MYH2: variants seen among roughly 807,000 people sequenced by gnomAD.
MYH2 encodes the protein myosin heavy chain 2, also known as myosin-2.
In MYH2, 139 loss-of-function variants were observed where a neutral mutation model predicts 228.1. The observed-to-expected ratio is 0.61, with a 90% confidence interval of 0.53 to 0.70. MYH2 has a LOEUF of 0.70. Ranked by LOEUF, MYH2 falls within the 30% of genes least tolerant of loss-of-function variation. The pLI, the probability that MYH2 is intolerant of heterozygous loss-of-function variation, is 0.00. For missense variants in MYH2, 1,809 were observed against 2,357.5 expected (o/e 0.77, Z 4.82); for synonymous variants, 796 against 871.1 (o/e 0.91, Z 1.52).
At chr17:10,531,101 G>A (rs1444693272) in intron 22 of MYH2, among the ~76,000 whole-genome samples, 1 of 152,202 alleles carries the variant, frequency 6.6e-6, no homozygotes, top group Admixed American at 6.5e-5. Flanking sequence ...AGCAATGTGG[G>A]TGTGACATGA....
intron 30 of MYH2, among the ~76,000 whole-genome samples, 156 bp from the exon 31 acceptor site, chr17:10,526,032 A>G (rs1048032601): frequency 6.6e-6 from 1 of 152,252 alleles, no homozygotes; most frequent in Non-Finnish European, 1.5e-5. Context: ...TTTATGAACC[A>G]GACACTGGCT....
rs1457635036 is a variant in MYH2 at position 10,525,148 on chromosome 17, T to C, written c.4662+76A>G. On this transcript the variant is annotated intron_variant, in intron 33 of 39. Coordinates refer to ENST00000245503, the MANE Select transcript of MYH2 (RefSeq NM_017534.6). This position sits in a 1 kb window ranked among gnomAD's most constrained non-coding sequence, Gnocchi z 4.2. ...TGCACAGCAATAATTTTGTGCTATGTGTCTTTTTATTCACTCTATGCAGAT... is the reference window on the plus strand; with the variant it reads ...TGCACAGCAATAATTTTGTGCTATGCGTCTTTTTATTCACTCTATGCAGAT... 5 of 1,613,722 alleles carry C rather than the reference T, an allele frequency of 3.1e-6. No individual in the cohort carries two copies. Among genetic ancestry groups the C allele is most frequent in the Non-Finnish European group, 4.2e-6 (5 of 1,179,846 alleles).
rs774669526 is a variant in MYH2, at chr17:10,540,666, A to G, written c.936T>C (p.Asp312=). The change falls in exon 11 of 40, where the codon GAT becomes GAC. Residue 312 remains aspartate, a synonymous_variant. Transcript: ENST00000245503. The part of the protein sequence containing the change: ...EMLLITTNPY[D]YPFVSQGEIS... ...TCTCCCCTTGACTGACAAATGGGTA[A>G]TCATATGGGTTCGTGGTAATCAGAA... The G allele has an allele frequency of 1.2e-6, 2 of 1,613,296 alleles. No individual in the cohort carries two copies. The highest frequency in any genetic ancestry group is 1.7e-6 in the Non-Finnish European group (2 of 1,179,224).
chr17:10,548,099 C>T (rs189456492), intron 2 of MYH2, among the ~76,000 whole-genome samples, 159 bp from the exon 3 acceptor site: 1 of 152,222 alleles, frequency 6.6e-6, no homozygotes, highest in East Asian at 1.9e-4. Context: ...ATCACAAGAA[C>T]GAAAATGCAT....
rs892842568 is a variant in MYH2 at position 10,525,907 on chromosome 17, G to A, written c.4188-31C>T. 6.2e-7 allele frequency: 1 copy of A among 1,608,730 alleles called. No homozygotes were observed. Among genetic ancestry groups the A allele is most frequent in the African/African-American group, 1.3e-5 (1 of 74,818 alleles). On this transcript the variant is annotated intron_variant, in intron 30 of 39. Transcript: ENST00000245503. This position sits in a 1 kb window ranked among gnomAD's most constrained non-coding sequence, Gnocchi z 4.2. Reference sequence around the variant, plus strand: ...ATATTATACATGTTTTCAGAGAGAAGTGAACCATAATATGAATTATGAGCT... The same window carrying A: ...ATATTATACATGTTTTCAGAGAGAAATGAACCATAATATGAATTATGAGCT...
In MYH2 at chr17:10,527,074, T is replaced by C; in HGVS notation, c.3872-18A>G. Reference sequence around the variant, plus strand: ...AAACTCACCTGATGGACAAAAGAAATGGCACCATTTTTTAGGTGAAAAACA... The same window carrying C: ...AAACTCACCTGATGGACAAAAGAAACGGCACCATTTTTTAGGTGAAAAACA... On this transcript the variant is annotated intron_variant, in intron 28 of 39. Transcript: ENST00000245503. 1.9e-6 allele frequency: 3 copies of C among 1,605,764 alleles called. No homozygotes were observed. Among genetic ancestry groups the C allele is most frequent in the Non-Finnish European group, 2.6e-6 (3 of 1,172,448 alleles).
chr17:10,546,278 TATATATATATAC>T, intron 4 of MYH2, among the ~76,000 whole-genome samples: 1 of 121,562 alleles, frequency 8.2e-6, no homozygotes, highest in South Asian at 2.5e-4. Flanking sequence ...TATATATATA[TATATATATATAC>T]ATCATGATTA....
rs534965939 is a variant in MYH2 at position 10,529,049 on chromosome 17, C to G, written c.3385G>C (p.Glu1129Gln). Residue 1129 changes from glutamate to glutamine, a missense_variant, in exon 27 of 40, where the codon GAG (glutamate) becomes CAG (glutamine). By Grantham distance (29) the Glu-to-Gln change is conservative. Coordinates refer to ENST00000245503, the MANE Select transcript of MYH2 (RefSeq NM_017534.6). ...ARIEELEEEI[E>Q]AERASRAKAE... Reference sequence around the variant, plus strand: ...TTGGCCCGGGAGGCCCGCTCTGCCTCGATTTCCTCCTCCAGCTCCTCAATG... The same window carrying G: ...TTGGCCCGGGAGGCCCGCTCTGCCTGGATTTCCTCCTCCAGCTCCTCAATG... The G allele has an allele frequency of 1.2e-6, 2 of 1,614,228 alleles. No individual in the cohort carries two copies. The highest frequency in any genetic ancestry group is 1.7e-4 in the Middle Eastern group (1 of 6,060).
Position 10,547,846 on chromosome 17 carries a change from A to T in MYH2, c.75T>A (p.Ile25=). 1 of 1,614,184 alleles carries T rather than the reference A, an allele frequency of 6.2e-7. No individual in the cohort carries two copies. Residue 25 remains isoleucine (I), a synonymous_variant, in exon 3 of 40, where the codon ATT becomes ATA. Transcript: ENST00000245503. The part of the protein sequence containing the change: ...PFLRKSERER[I]EAQNRPFDAK... ...CATCAAAGGGCCTATTCTGGGCCTC[A>T]ATGCGCTCCCTTTCAGACTTTCGGA...
chr17:10,528,007 T>A, intron 27 of MYH2, 133 bp from the exon 28 acceptor site: 2 of 1,072,302 alleles, frequency 1.9e-6, no homozygotes, highest in Non-Finnish European at 2.6e-6. Flanking sequence ...AACCAAATTA[T>A]CTTATATGTA....
chr17:10,522,232 T>G (rs1236079056), intron 39 of MYH2, among the ~76,000 whole-genome samples: 1 of 152,216 alleles, frequency 6.6e-6, no homozygotes, highest in Non-Finnish European at 1.5e-5. Context: ...TGGGTCCATT[T>G]CCAGAAGTAA....
rs142383679 is a variant in MYH2, at chr17:10,537,686, G to A, written c.1566C>T (p.Ala522=). The change falls in exon 15 of 40, where the codon GCC becomes GCT. Residue 522 remains alanine, a synonymous_variant. Transcript: ENST00000245503. The surrounding 1 kb of genome is among the most constrained non-coding windows in gnomAD (Gnocchi z 4.0). ...CAACCTTCTCGATGAGCTCGATGCA[G>A]GCAGCCAGGTCCATCCCGAAGTCGA... ...TFIDFGMDLA[A]CIELIEKPMG... 27 of 1,614,066 alleles carry A rather than the reference G, an allele frequency of 1.7e-5. No homozygotes were observed. The African/African-American group carries it at 2.9e-4, about 18-fold the overall frequency.
intron 4 of MYH2, among the ~76,000 whole-genome samples, chr17:10,546,854 C>A (rs1022585514): frequency 6.6e-6 from 1 of 150,772 alleles, no homozygotes; most frequent in Non-Finnish European, 1.5e-5. Flanking sequence ...CCAAGGCAGG[C>A]GGATCATTTG....
intron 27 of MYH2, 53 bp downstream of exon 27, chr17:10,528,634 TATG>T: frequency 6.2e-7 from 1 of 1,613,184 alleles, no homozygotes; most frequent in South Asian, 1.1e-5. Flanking sequence ...CTGTGCAAAC[TATG>T]ATGTGTCCAT....
At chr17:10,542,189 G>A (rs570075496) in intron 10 of MYH2, among the ~76,000 whole-genome samples, 16 of 152,258 alleles carry the variant, frequency 1.1e-4, no homozygotes, top group South Asian at 2.1e-4. Flanking sequence ...AGGGAGAATC[G>A]CTTGAACCTG....
Position 10,525,582 on chromosome 17 carries a change from G to A in MYH2, c.4406C>T (p.Thr1469Met), listed in dbSNP as rs760961929. 2.2e-5 allele frequency: 35 copies of A among 1,614,010 alleles called. No individual in the cohort carries two copies. In the East Asian group the frequency reaches 2.9e-4, roughly 13 times the overall value. ...CTGGGAGGCCTCAAGCTCAGCATGC[G>A]TTTCCTCACATTTCTGTTTCCATTC... ...LAEWKQKCEE[T>M]HAELEASQKE... The change falls in exon 32 of 40, where the codon ACG (threonine) becomes ATG (methionine). Residue 1469 changes from threonine (T) to methionine (M), a missense_variant. Thr to Met is a moderately conservative substitution (Grantham distance 81). Transcript: ENST00000245503. The surrounding 1 kb of genome is among the most constrained non-coding windows in gnomAD (Gnocchi z 4.2).
chr17:10,537,113 T>C lies in MYH2; in HGVS notation c.1897+120A>G. 7.5e-7 allele frequency: 1 copy of C among 1,337,486 alleles called. No individual in the cohort carries two copies. Among genetic ancestry groups the C allele is most frequent in the Non-Finnish European group, 1.1e-6 (1 of 939,908 alleles). 82.9% of individuals were successfully genotyped at this position (1,337,486 alleles called of 1,614,324 possible). A position where few individuals can be genotyped will look rare whatever the true frequency, so the allele number is the denominator to read the frequency against. On this transcript the variant is annotated intron_variant, in intron 16 of 39. Transcript: ENST00000245503. The surrounding 1 kb of genome is among the most constrained non-coding windows in gnomAD (Gnocchi z 4.0). ...ATTACAAGGCTGCCTATCTATTCAA[T>C]ACTTGGAGGAACCAGGGGCTTGGTC...
intron 17 of MYH2, among the ~76,000 whole-genome samples, chr17:10,535,688 G>A (rs1312347195): frequency 6.6e-6 from 1 of 152,166 alleles, no homozygotes; most frequent in Non-Finnish European, 1.5e-5. Context: ...TCCCATGCGA[G>A]ATGATCGCTC....
Position 10,529,152 on chromosome 17 carries a change from A to G in MYH2, c.3354+10T>C. The G allele has an allele frequency of 1.2e-6, 2 of 1,614,230 alleles. No homozygotes were observed. The highest frequency in any genetic ancestry group is 1.7e-6 in the Non-Finnish European group (2 of 1,180,042). ...CCTCCGAGCCAGACTGATGAAAATC[A>G]TGTACTTACTTGCAATTCTTTAATT... On this transcript the variant is annotated intron_variant, in intron 26 of 39. Coordinates refer to ENST00000245503, the MANE Select transcript of MYH2 (RefSeq NM_017534.6).
Sources: allele counts gnomAD v4.1 joint callset (sites outside exome capture counted in the v4.1 genomes callset), GRCh38; gene constraint gnomAD v4.1.1; non-coding constraint Gnocchi (gnomAD v3.1); transcripts MANE v1.5; gene names NCBI Gene and HGNC (gene_info 2026-07-23, HGNC 2026-07-21).